MCUR1: variants seen among roughly 807,000 people sequenced by gnomAD.
The protein encoded by MCUR1 is MCU regulator 1.
MCUR1 carries 37 observed loss-of-function variants against 42.0 expected under a neutral mutation model. The ratio of observed to expected loss-of-function variants is 0.88; its 90% CI spans 0.68 to 1.16. MCUR1 has a LOEUF of 1.16. Among genes scored for constraint, MCUR1 ranks in the 50% most tolerant of loss-of-function variants. The pLI is 0.00. For synonymous variants in MCUR1, 229 were observed against 196.2 expected, an observed-to-expected ratio of 1.17 and a Z score of -1.40; for missense variants, 469 against 468.4, an observed-to-expected ratio of 1.00 and a Z score of -0.01.
intron 5 of MCUR1, 54 bp downstream of exon 5, chr6:13,800,283 CTTAT>C: frequency 8.8e-7 from 1 of 1,131,632 alleles, no homozygotes; most frequent in Middle Eastern, 2.7e-4. Context: ...TAATATTATA[CTTAT>C]TAATAAGTTT....
intron 1 of MCUR1, 83 bp from the exon 2 acceptor site, chr6:13,807,127 C>A: frequency 1.4e-6 from 2 of 1,439,354 alleles, no homozygotes; most frequent in South Asian, 1.4e-5. Flanking sequence ...TAAGGCATAC[C>A]CCAAAGCCTT....
intron 1 of MCUR1, among the ~76,000 whole-genome samples, chr6:13,813,553 C>CA (rs1017764123): frequency 6.6e-6 from 1 of 152,178 alleles, no homozygotes; most frequent in Non-Finnish European, 1.5e-5. Flanking sequence ...AGGGACAGGG[C>CA]AGACGCTAGG....
chr6:13,809,091 G>C (rs952704701), intron 1 of MCUR1, among the ~76,000 whole-genome samples: 7 of 152,126 alleles, frequency 4.6e-5, no homozygotes, highest in Admixed American at 1.3e-4. Context: ...AGCTATTCTT[G>C]TTTTCTTGTA....
chr6:13,802,364 C>CAA lies in MCUR1; in HGVS notation c.536-20_536-19dup. The CAA allele has an allele frequency of 6.3e-7, 1 of 1,585,366 alleles. No homozygotes were observed. ...AGCAAACCCTAAGCAAGCACACAAG[C>CAA]AAAAAAAATCATGCTCAGAGTTACA... On this transcript the variant is annotated intron_variant, in intron 2 of 8. Transcript: ENST00000379170.
At chr6:13,799,681 A>G (rs1759945279) in intron 5 of MCUR1, among the ~76,000 whole-genome samples, 1 of 152,188 alleles carries the variant, frequency 6.6e-6, no homozygotes, top group Non-Finnish European at 1.5e-5. Context: ...TATTTAAAAA[A>G]CATTAAATAG....
At position 13,789,878 on chromosome 6, in the gene MCUR1, AAT is replaced by A. The variant is rs1450225140; in HGVS notation, c.*929_*930del. The A allele has an allele frequency of 6.6e-6, 1 of 152,204 alleles. No homozygotes were observed. The highest frequency in any genetic ancestry group is 2.4e-5 in the African/African-American group (1 of 41,450). The allele number at this position is 152,204 out of a possible 1,614,324, so 9.4% of individuals were successfully genotyped here. ...TCTAAGAGGTAAGAGTCCCCATTACAATTGCAATGCTTCTTTAGACAGCTGAT... is the reference window on the plus strand; with the variant it reads ...TCTAAGAGGTAAGAGTCCCCATTACATGCAATGCTTCTTTAGACAGCTGAT... On this transcript the variant is annotated 3_prime_UTR_variant, in exon 9 of 9. Transcript: ENST00000379170.
chr6:13,804,814 A>AAAAG (rs1230089057), intron 2 of MCUR1, among the ~76,000 whole-genome samples: 39 of 148,886 alleles, frequency 2.6e-4, no homozygotes, highest in African/African-American at 9.6e-4. Context: ...AAAAAAAAAA[A>AAAAG]GTGGAAGTCT....
In MCUR1 at chr6:13,790,871, G is replaced by GA; in HGVS notation, c.1025-8dup. The stretch of plus-strand genomic sequence containing the variant: ...AGGCACGTAAATATAGACCCTGTAA[G>GA]AAAAAAACAATTGAGAGTACTATTA... On this transcript the variant is annotated splice_region_variant and splice_polypyrimidine_tract_variant and intron_variant, in intron 8 of 8. Transcript: ENST00000379170. 6 of 1,597,778 alleles carry GA rather than the reference G, an allele frequency of 3.8e-6. No homozygotes were observed. Among genetic ancestry groups the GA allele is most frequent in the Non-Finnish European group, 5.1e-6 (6 of 1,169,744 alleles).
intron 6 of MCUR1, among the ~76,000 whole-genome samples, chr6:13,796,200 A>C (rs974487561): frequency 6.6e-6 from 1 of 152,218 alleles, no homozygotes; most frequent in Non-Finnish European, 1.5e-5. Flanking sequence ...TACTTTTCTT[A>C]TAAGAACACT....
Position 13,814,046 on chromosome 6 carries a change from G to A in MCUR1, c.384C>T (p.Gly128=), listed in dbSNP as rs1238160884. Reference sequence around the variant, plus strand: ...TGCAGGAAACGAGTGCAGGCGCCGGGCCGTGGTACTGGGGAAGGGCGCCGG... The same window carrying A: ...TGCAGGAAACGAGTGCAGGCGCCGGACCGTGGTACTGGGGAAGGGCGCCGG... The part of the protein sequence containing the change: ...AAAGALPQYH[G]PAPALVSCRR... The change falls in exon 1 of 9, where the codon GGC becomes GGT. Residue 128 remains glycine (G), a synonymous_variant. Transcript: ENST00000379170. The A allele has an allele frequency of 2.4e-6, 3 of 1,237,290 alleles. No homozygotes were observed. The highest frequency in any genetic ancestry group is 3.1e-5 in the East Asian group (1 of 31,778). 76.6% of individuals were successfully genotyped at this position (1,237,290 alleles called of 1,614,324 possible). A position where few individuals can be genotyped will look rare whatever the true frequency, so the allele number is the denominator to read the frequency against.
At chr6:13,798,763 T>A (rs1397105569) in intron 6 of MCUR1, 70 bp downstream of exon 6, 1 of 1,185,868 alleles carries the variant, frequency 8.4e-7, no homozygotes, top group Admixed American at 1.9e-5. Context: ...GTACATAAAC[T>A]TAGGCTTAAC....
intron 7 of MCUR1, among the ~76,000 whole-genome samples, chr6:13,792,743 C>G (rs569437498): frequency 6.6e-6 from 1 of 152,166 alleles, no homozygotes; most frequent in South Asian, 2.1e-4. Context: ...CCTATGGCTA[C>G]CAATTCAGGC....
In MCUR1 at chr6:13,791,919, A is replaced by T; in HGVS notation, c.983T>A (p.Met328Lys). Residue 328 changes from methionine (M) to lysine (K), a missense_variant, in exon 8 of 9, where the codon ATG becomes AAG. Physicochemically the swap from Met to Lys is moderately conservative, Grantham distance 95. Coordinates refer to ENST00000379170, the MANE Select transcript of MCUR1 (RefSeq NM_001031713.4). ...IETEVAGLKT[M>K]LESHKLDNIK... ...ATTATCAAGCTTGTGTGACTCAAGCATGGTTTTGAGGCCAGCAACCTCAGT... is the reference window on the plus strand; with the variant it reads ...ATTATCAAGCTTGTGTGACTCAAGCTTGGTTTTGAGGCCAGCAACCTCAGT... 1 of 1,614,054 alleles carries T rather than the reference A, an allele frequency of 6.2e-7. No homozygotes were observed. Among genetic ancestry groups the T allele is most frequent in the Non-Finnish European group, 8.5e-7 (1 of 1,179,954 alleles).
Position 13,790,480 on chromosome 6 carries a change from T to TTG in MCUR1, c.*328_*329insCA, listed in dbSNP as rs60422154. 2 of 154,818 alleles carry TTG rather than the reference T, an allele frequency of 1.3e-5. No individual in the cohort carries two copies. The highest frequency in any genetic ancestry group is 4.8e-5 in the African/African-American group (2 of 41,500). The allele number at this position is 154,818 out of a possible 1,614,324, so 9.6% of individuals were successfully genotyped here. On this transcript the variant is annotated 3_prime_UTR_variant, in exon 9 of 9. Coordinates refer to ENST00000379170, the MANE Select transcript of MCUR1 (RefSeq NM_001031713.4). Reference sequence around the variant, plus strand: ...GGTATTCCGGTTTTTTTTTTTTTTTTGAGACGGAGTCTCGCTCTGTTGCCC... The same window carrying TTG: ...GGTATTCCGGTTTTTTTTTTTTTTTTTGGAGACGGAGTCTCGCTCTGTTGCCC...
In MCUR1 at chr6:13,788,445, T is replaced by C. The variant is rs970706573; in HGVS notation, c.*2364A>G. ...AGCAAAATCGAACACCCAAATTAAG[T>C]GCCAGAATGATGCAGCCCGCTCTCA... On this transcript the variant is annotated 3_prime_UTR_variant, in exon 9 of 9. Coordinates refer to ENST00000379170, the MANE Select transcript of MCUR1 (RefSeq NM_001031713.4). The C allele has an allele frequency of 2.6e-5, 4 of 152,074 alleles. No homozygotes were observed. Among genetic ancestry groups the C allele is most frequent in the Non-Finnish European group, 4.4e-5 (3 of 68,038 alleles). The allele number at this position is 152,074 out of a possible 1,614,324, so 9.4% of individuals were successfully genotyped here.
chr6:13,801,295 T>G lies in MCUR1; in HGVS notation c.734A>C (p.Glu245Ala), dbSNP rs1238580267. 1 of 1,609,020 alleles carries G rather than the reference T, an allele frequency of 6.2e-7. No individual in the cohort carries two copies. Among genetic ancestry groups the G allele is most frequent in the East Asian group, 2.2e-5 (1 of 44,850 alleles). Residue 245 changes from glutamate to alanine, a missense_variant, in exon 4 of 9, where the codon GAA becomes GCA. Transcript: ENST00000379170. ...TGAGAGGCTCTGTTTTACCTCATTTTCTGCTCTGAGGGCTGAAAATTCACT... is the reference window on the plus strand; with the variant it reads ...TGAGAGGCTCTGTTTTACCTCATTTGCTGCTCTGAGGGCTGAAAATTCACT... ...EKSEFSALRA[E>A]NEKIKLELHQ...
At chr6:13,813,906 C>A in intron 1 of MCUR1, 109 bp downstream of exon 1, 1 of 1,150,732 alleles carries the variant, frequency 8.7e-7, no homozygotes, top group Non-Finnish European at 1.1e-6. Context: ...TTGGAGGACC[C>A]GCCCTCCGGC....
At chr6:13,802,452 CA>C in intron 2 of MCUR1, 106 bp from the exon 3 acceptor site, 1 of 851,240 alleles carries the variant, frequency 1.2e-6, no homozygotes, top group Non-Finnish European at 1.9e-6. Flanking sequence ...GAGTACAGCA[CA>C]GTGTGGTAGG....
chr6:13,801,150 T>C (rs1401774578), intron 4 of MCUR1, 138 bp downstream of exon 4: 2 of 646,984 alleles, frequency 3.1e-6, no homozygotes, highest in Admixed American at 5.4e-5. Context: ...CAAGTTTTCC[T>C]GCTCGATCTG....
Sources: gnomAD v4.1 joint callset for allele counts (sites outside exome capture counted in the v4.1 genomes callset) on GRCh38, gnomAD v4.1.1 for gene constraint, MANE v1.5 for transcripts, NCBI Gene and HGNC (gene_info 2026-07-23, HGNC 2026-07-21) for gene names.